The following RABGAP1L variants were observed in gnomAD, a reference collection of about 807,000 sequenced individuals.
RABGAP1L encodes the protein rab GTPase-activating protein 1-like.
In RABGAP1L, 63 loss-of-function variants were observed where a neutral mutation model predicts 137.7. The observed-to-expected ratio is 0.46, with a 90% CI of 0.37 to 0.56. The LOEUF is 0.56. RABGAP1L is among the 20% of genes least tolerant of loss of function. The probability of loss-of-function intolerance (pLI) is 0.00; values close to 1 mark genes in which losing one functional copy is unlikely to be tolerated. For missense variants in RABGAP1L, 1,095 were observed against 1,244.0 expected (o/e 0.88, Z 1.80); for synonymous variants, 431 against 433.7 (o/e 0.99, Z 0.08).
intron 14 of RABGAP1L, among the ~76,000 whole-genome samples, chr1:174,651,500 T>A (rs1022564243): frequency 6.6e-6 from 1 of 152,204 alleles, no homozygotes; most frequent in African/African-American, 2.4e-5. Flanking sequence ...CAGGACTTGC[T>A]TTATGAATCT....
At chr1:174,700,913 A>G in intron 16 of RABGAP1L, 1 of 365,108 alleles carries the variant, frequency 2.7e-6, no homozygotes, top group Non-Finnish European at 4.7e-6. Context: ...TACCTAATAA[A>G]TAACAGATGT....
intron 11 of RABGAP1L, among the ~76,000 whole-genome samples, chr1:174,334,138 C>T (rs11801105): frequency 0.28 from 42,810 of 152,092 alleles, 6,592 homozygotes; most frequent in African/African-American, 0.39. Flanking sequence ...TAAATACTTT[C>T]GCTTCTTTCT....
chr1:174,402,588 C>T (rs956560087), intron 13 of RABGAP1L, among the ~76,000 whole-genome samples: 1 of 152,138 alleles, frequency 6.6e-6, no homozygotes, highest in African/African-American at 2.4e-5. Flanking sequence ...TTGTAGGGTA[C>T]TACTGCTGCT....
rs553783824 is a variant in RABGAP1L, at chr1:174,505,987, T to C, written c.1710+111842T>C. ...TTAAAAAGTTAGAAATTCTGTCATA[T>C]ACATAAACATGAATGAACCTGGAAG... On this transcript the variant is annotated intron_variant, in intron 13 of 25. Transcript: ENST00000681986. Among the ~76,000 whole-genome samples the C allele has an allele frequency of 7.6e-4, 116 of 152,326 alleles. 3 individuals carry two copies. In the South Asian group the frequency reaches 0.012, roughly 15 times the overall value.
Position 174,683,606 on chromosome 1 carries a change from G to C in RABGAP1L, c.1899+10G>C, listed in dbSNP as rs1464381941. 10 of 1,590,526 alleles carry C rather than the reference G, an allele frequency of 6.3e-6. No homozygotes were observed. The highest frequency in any genetic ancestry group is 8.6e-6 in the Non-Finnish European group (10 of 1,159,082). ...TGTATTACTGCTGCATGTAAGTAATGGTCCGTGTGATAAATAGCACAGTGC... is the reference window on the plus strand; with the variant it reads ...TGTATTACTGCTGCATGTAAGTAATCGTCCGTGTGATAAATAGCACAGTGC... On this transcript the variant is annotated intron_variant, in intron 15 of 25. Transcript: ENST00000681986.
At chr1:174,716,659 G>A (rs532177707) in intron 17 of RABGAP1L, among the ~76,000 whole-genome samples, 12 of 151,892 alleles carry the variant, frequency 7.9e-5, no homozygotes, top group African/African-American at 2.2e-4. Context: ...TTTTTCTTTC[G>A]ATACCTTTGG....
At chr1:174,229,468 G>C (rs577189510) in intron 3 of RABGAP1L, among the ~76,000 whole-genome samples, 1 of 152,234 alleles carries the variant, frequency 6.6e-6, no homozygotes. Context: ...ATGTGCCTGG[G>C]AAAAACAAGC....
intron 13 of RABGAP1L, among the ~76,000 whole-genome samples, chr1:174,501,631 G>A (rs1661286834): frequency 6.6e-6 from 1 of 152,098 alleles, no homozygotes; most frequent in Non-Finnish European, 1.5e-5. Flanking sequence ...TTTATTGCTG[G>A]CTTAAAAAAT....
At chr1:174,650,085 A>C in intron 14 of RABGAP1L, among the ~76,000 whole-genome samples, 1 of 152,124 alleles carries the variant, frequency 6.6e-6, no homozygotes, top group East Asian at 1.9e-4. Context: ...GCATCTATTG[A>C]GATAATCATG....
At chr1:174,328,001 A>ATATATG (rs1680681299) in intron 11 of RABGAP1L, among the ~76,000 whole-genome samples, 2 of 124,922 alleles carry the variant, frequency 1.6e-5, no homozygotes, top group African/African-American at 8.2e-5. Context: ...ATATATATAT[A>ATATATG]TATATATATA....
chr1:174,596,421 A>G (rs959934652), intron 13 of RABGAP1L, among the ~76,000 whole-genome samples: 1 of 152,136 alleles, frequency 6.6e-6, no homozygotes, highest in African/African-American at 2.4e-5. Context: ...TTCTTATTGT[A>G]CAGATCTTTC....
At chr1:174,752,273 A>C in intron 17 of RABGAP1L, 40 bp from the exon 18 acceptor site, 1 of 1,412,912 alleles carries the variant, frequency 7.1e-7, no homozygotes, top group Admixed American at 2.0e-5. Flanking sequence ...ATAGTGATAC[A>C]TGTGGCAGTA....
chr1:174,658,735 A>C (rs1676153102), intron 14 of RABGAP1L, among the ~76,000 whole-genome samples: 1 of 152,044 alleles, frequency 6.6e-6, no homozygotes, highest in Admixed American at 6.6e-5. Flanking sequence ...CCCTGTGTGA[A>C]TGTTCTATCT....
At chr1:174,810,977 C>T (rs908127872) in intron 18 of RABGAP1L, among the ~76,000 whole-genome samples, 71 of 151,950 alleles carry the variant, frequency 4.7e-4, no homozygotes, top group African/African-American at 1.7e-3. Context: ...TGGTGTGTGC[C>T]TGTAGTTCCA....
At chr1:174,649,755 T>G (rs1675302422) in intron 14 of RABGAP1L, among the ~76,000 whole-genome samples, 1 of 152,182 alleles carries the variant, frequency 6.6e-6, no homozygotes, top group Non-Finnish European at 1.5e-5. Context: ...TGGGTTTTTC[T>G]AGATATGCAA....
intron 18 of RABGAP1L, among the ~76,000 whole-genome samples, chr1:174,797,486 T>G (rs372759657): frequency 3.1e-4 from 35 of 111,632 alleles, no homozygotes; most frequent in East Asian, 2.2e-3. Flanking sequence ...GTTGGGGGGG[T>G]GTGTGTGTGT....
At chr1:174,469,873 G>C (rs1657717407) in intron 13 of RABGAP1L, among the ~76,000 whole-genome samples, 1 of 152,094 alleles carries the variant, frequency 6.6e-6, no homozygotes, top group South Asian at 2.1e-4. Flanking sequence ...CTTCACTGGG[G>C]ATTGTCACTG....
At chr1:174,546,480 T>G (rs539041999) in intron 13 of RABGAP1L, among the ~76,000 whole-genome samples, 1 of 152,334 alleles carries the variant, frequency 6.6e-6, no homozygotes, top group South Asian at 2.1e-4. Flanking sequence ...GTTTAGATAT[T>G]TGTTGTTCAT....
chr1:174,601,510 G>C (rs1670410644), intron 13 of RABGAP1L, among the ~76,000 whole-genome samples: 1 of 145,858 alleles, frequency 6.9e-6, no homozygotes, highest in South Asian at 2.1e-4. Flanking sequence ...GTTGGGGGCA[G>C]GGGGAGGGAT....
Sources: allele counts gnomAD v4.1 joint callset (sites outside exome capture counted in the v4.1 genomes callset), GRCh38; gene constraint gnomAD v4.1.1; transcripts MANE v1.5; gene names NCBI Gene and HGNC (gene_info 2026-07-23, HGNC 2026-07-21).